The following CA6 variants were observed in gnomAD, a reference collection of about 807,000 sequenced individuals.
The protein encoded by CA6 is carbonic anhydrase 6.
A neutral mutation model predicts 35.9 loss-of-function variants in CA6; 28 were observed. The ratio of observed to expected loss-of-function variants is 0.78; its 90% CI spans 0.58 to 1.07. The LOEUF (loss-of-function observed/expected upper bound fraction) is 1.07. Ranked by LOEUF, CA6 falls within the 50% of genes least tolerant of loss-of-function variation. The pLI is 0.00. For synonymous variants in CA6, 148 were observed against 152.6 expected, an observed-to-expected ratio of 0.97 and a Z score of 0.22; for missense variants, 377 against 382.0, an observed-to-expected ratio of 0.99 and a Z score of 0.11.
At chr1:8,951,638 T>G (rs764205582) in intron 2 of CA6, 1 of 765,156 alleles carries the variant, frequency 1.3e-6, no homozygotes, top group Non-Finnish European at 2.4e-6. Flanking sequence ...GAGCCCAGCT[T>G]CCCAAGGGGC....
At chr1:8,948,497 G>A (rs1419400033) in intron 1 of CA6, among the ~76,000 whole-genome samples, 1 of 151,354 alleles carries the variant, frequency 6.6e-6, no homozygotes, top group African/African-American at 2.4e-5. Flanking sequence ...GTGGTGGGGG[G>A]TTCCTGCAGC....
At chr1:8,947,913 C>T (rs138048842) in intron 1 of CA6, among the ~76,000 whole-genome samples, 2,067 of 150,508 alleles carry the variant, frequency 0.014, 70 homozygotes, top group African/African-American at 0.049. Flanking sequence ...GGCGCGATCT[C>T]GGCTCACCGC....
In CA6 at chr1:8,974,680, C is replaced by G. The variant is rs1640220448; in HGVS notation, c.903C>G (p.Asp301Glu). The G allele has an allele frequency of 6.2e-7, 1 of 1,603,332 alleles. No homozygotes were observed. Among genetic ancestry groups the G allele is most frequent in the Non-Finnish European group, 8.5e-7 (1 of 1,173,562 alleles). Residue 301 changes from aspartate to glutamate, a missense_variant, in exon 8 of 8, where the codon GAC becomes GAG. Asp to Glu is a conservative substitution (Grantham distance 45). Transcript: ENST00000377443. Reference protein sequence around the residue: ...FYLHKIEEILDYLRRALN With the variant: ...FYLHKIEEILEYLRRALN ...TACATAAGATTGAGGAAATTCTTGA[C>G]TACTTAAGAAGAGCATTGAACTGAG...
intron 7 of CA6, among the ~76,000 whole-genome samples, chr1:8,973,098 C>A (rs964937593): frequency 1.3e-5 from 2 of 152,124 alleles, no homozygotes; most frequent in African/African-American, 2.4e-5. Flanking sequence ...GGGCTCACTG[C>A]AACCTCCGCC....
At chr1:8,962,312 C>T (rs1639861769) in intron 4 of CA6, among the ~76,000 whole-genome samples, 1 of 151,822 alleles carries the variant, frequency 6.6e-6, no homozygotes. Context: ...AAGAGTTGGC[C>T]ATTTCTGAGG....
At chr1:8,954,829 C>A (rs946358517) in intron 2 of CA6, among the ~76,000 whole-genome samples, 1 of 152,176 alleles carries the variant, frequency 6.6e-6, no homozygotes, top group Admixed American at 6.5e-5. Flanking sequence ...CCTGCCTTGG[C>A]CTCCTAAATT....
intron 2 of CA6, chr1:8,951,422 G>A: frequency 1.3e-6 from 1 of 761,214 alleles, no homozygotes; most frequent in Non-Finnish European, 2.4e-6. Context: ...GATGCTTCCA[G>A]ATTGGCAGGC....
chr1:8,967,604 C>G lies in CA6; in HGVS notation c.572-55C>G, dbSNP rs1477296210. ...GCGAGGCCTGGGCCTGAGCTGTCCT[C>G]CCGAGGGGCAGCGCTGGTCCCTGAC... On this transcript the variant is annotated intron_variant, in intron 5 of 7. Transcript: ENST00000377443. 2.6e-6 allele frequency: 4 copies of G among 1,525,300 alleles called. No individual in the cohort carries two copies. In the Admixed American group the frequency reaches 7.0e-5, roughly 27 times the overall value. 94.5% of individuals were successfully genotyped at this position (1,525,300 alleles called of 1,614,324 possible).
At chr1:8,964,944 T>A (rs181398608) in intron 5 of CA6, among the ~76,000 whole-genome samples, 71 of 152,244 alleles carry the variant, frequency 4.7e-4, no homozygotes, top group African/African-American at 1.6e-3. Flanking sequence ...ACAGCCTGAA[T>A]TAAAACTTAC....
intron 5 of CA6, among the ~76,000 whole-genome samples, chr1:8,966,545 T>A (rs191569923): frequency 6.6e-6 from 1 of 152,336 alleles, no homozygotes; most frequent in Admixed American, 6.5e-5. Flanking sequence ...TTGGAGGTTA[T>A]ATCTTGAAAT....
chr1:8,954,457 G>A (rs770945292), intron 2 of CA6, among the ~76,000 whole-genome samples: 8 of 152,142 alleles, frequency 5.3e-5, no homozygotes, highest in East Asian at 3.9e-4. Flanking sequence ...GAGGCACTGC[G>A]CCTGGCCTAT....
Position 8,946,806 on chromosome 1 carries a change from T to G in CA6, c.79+841T>G, listed in dbSNP as rs199541058. Among the ~76,000 whole-genome samples the G allele has an allele frequency of 8.0e-3, 107 of 13,416 alleles. 1 individual carries two copies. In the South Asian group the frequency reaches 0.096, roughly 12 times the overall value. The allele number at this position is 13,416 out of a possible 152,430, so 8.8% of individuals were successfully genotyped here. A position where few individuals can be genotyped will look rare whatever the true frequency, so the allele number is the denominator to read the frequency against. On this transcript the variant is annotated intron_variant, in intron 1 of 7. Coordinates refer to ENST00000377443, the MANE Select transcript of CA6 (RefSeq NM_001215.4). ...AAAATGAGAGGTGTTTTTTTTTTTG[T>G]TTTTTTTTTTTTTTTGAGACAGAGT... is the stretch of plus-strand genomic sequence containing the variant.
intron 3 of CA6, 150 bp downstream of exon 3, chr1:8,957,435 G>T: frequency 1.5e-6 from 1 of 672,628 alleles, no homozygotes; most frequent in Non-Finnish European, 2.4e-6. Flanking sequence ...CCGCCTTCTG[G>T]GTTCAAGCAA....
intron 3 of CA6, 113 bp downstream of exon 3, chr1:8,957,398 T>G: frequency 9.9e-7 from 1 of 1,010,360 alleles, no homozygotes; most frequent in Non-Finnish European, 1.4e-6. Flanking sequence ...TGGAGTGCAG[T>G]GGCACAATCT....
At chr1:8,967,882 C>T (rs1640011917) in intron 6 of CA6, 66 bp downstream of exon 6, 1 of 1,495,112 alleles carries the variant, frequency 6.7e-7, no homozygotes, top group Admixed American at 1.8e-5. Context: ...GGGTTCTCCC[C>T]AGCATCTCAA....
rs1179633378 is a variant in CA6 at position 8,957,131 on chromosome 1, C to T, written c.260-6C>T. 1.2e-6 allele frequency: 2 copies of T among 1,602,170 alleles called. No homozygotes were observed. Among genetic ancestry groups the T allele is most frequent in the Admixed American group, 3.4e-5 (2 of 59,188 alleles). ...CTCTGCTCTCAGCCCCACCTTGTCT[C>T]TCCAGTGCAGATCAGCCTGCCCTCC... On this transcript the variant is annotated splice_polypyrimidine_tract_variant and splice_region_variant and intron_variant, in intron 2 of 7. Transcript: ENST00000377443.
intron 6 of CA6, among the ~76,000 whole-genome samples, chr1:8,968,371 C>T (rs1640025693): frequency 6.6e-6 from 1 of 152,060 alleles, no homozygotes; most frequent in South Asian, 2.1e-4. Flanking sequence ...GAAGTGCCCC[C>T]AGACACCTGA....
chr1:8,971,700 A>G (rs1557634066), intron 7 of CA6, among the ~76,000 whole-genome samples: 1 of 152,020 alleles, frequency 6.6e-6, no homozygotes, highest in Non-Finnish European at 1.5e-5. Context: ...CCTCCTATAC[A>G]TTCTCTCAAA....
Position 8,958,947 on chromosome 1 carries a change from A to G in CA6, c.446A>G (p.Tyr149Cys), listed in dbSNP as rs1639761626. Residue 149 changes from tyrosine (Y) to cysteine (C), a missense_variant, in exon 4 of 8, where the codon TAT (tyrosine) becomes TGT (cysteine). Tyr to Cys is a radical substitution (Grantham distance 194). Transcript: ENST00000377443. ...CACTACAATTCTAAATACAAGAGCT[A>G]TGATATAGCCCAAGATGCGCCGGAT... ...IVHYNSKYKS[Y>C]DIAQDAPDGL... 6.2e-7 allele frequency: 1 copy of G among 1,613,034 alleles called. No individual in the cohort carries two copies. The highest frequency in any genetic ancestry group is 1.3e-5 in the African/African-American group (1 of 75,054).
Sources: allele counts gnomAD v4.1 joint callset (sites outside exome capture counted in the v4.1 genomes callset), GRCh38; gene constraint gnomAD v4.1.1; transcripts MANE v1.5; gene names NCBI Gene and HGNC (gene_info 2026-07-23, HGNC 2026-07-21).